Variants in CLVS1 observed in about 807,000 individuals in gnomAD.
CLVS1 encodes the protein clavesin 1, also known as clavesin-1.
A neutral mutation model predicts 33.1 loss-of-function variants in CLVS1; 10 were observed. The observed-to-expected ratio is 0.30, with a 90% CI of 0.19 to 0.51. The LOEUF (loss-of-function observed/expected upper bound fraction) is 0.51. Ranked by LOEUF, CLVS1 falls within the 20% of genes least tolerant of loss-of-function variation. The probability of loss-of-function intolerance (pLI) is 0.97; values close to 1 mark genes in which losing one functional copy is unlikely to be tolerated. For missense variants in CLVS1, 343 were observed against 433.4 expected (o/e 0.79, Z 1.85); for synonymous variants, 163 against 166.1 (o/e 0.98, Z 0.14).
At chr8:61,490,055 C>T (rs536919188) in intron 5 of CLVS1, among the ~76,000 whole-genome samples, 1 of 152,318 alleles carries the variant, frequency 6.6e-6, no homozygotes, top group South Asian at 2.1e-4. Flanking sequence ...GTGGCTCACA[C>T]CTGTAATCCC....
At chr8:61,168,085 G>A (rs781520583) in intron 2 of CLVS1, among the ~76,000 whole-genome samples, 2 of 152,130 alleles carry the variant, frequency 1.3e-5, no homozygotes, top group Non-Finnish European at 2.9e-5. Flanking sequence ...GTGAGAGATC[G>A]AAGAACCCTC....
At chr8:61,463,031 A>G (rs1817421719) in intron 5 of CLVS1, among the ~76,000 whole-genome samples, 2 of 152,198 alleles carry the variant, frequency 1.3e-5, no homozygotes, top group Non-Finnish European at 2.9e-5. Context: ...CAGCTTCATC[A>G]ATGATCTTTC....
rs189303516 is a variant in CLVS1 at position 61,356,406 on chromosome 8, C to T, written c.456-20199C>T. Among the ~76,000 whole-genome samples, 22 of 152,086 alleles carry T rather than the reference C, an allele frequency of 1.4e-4. No homozygotes were observed. The East Asian group carries it at 3.7e-3, about 25-fold the overall frequency. On this transcript the variant is annotated intron_variant, in intron 2 of 5. Coordinates refer to ENST00000325897, the MANE Select transcript of CLVS1 (RefSeq NM_173519.3). ...GGTAGTTTCTTTTGCTATGCAGAAG[C>T]TCTTTTGTTTAATTAGATCCCATTT...
At chr8:61,048,013 G>A in the CLVS1 span, among the ~76,000 whole-genome samples, 6 of 152,094 alleles carry the variant, frequency 3.9e-5, no homozygotes, top group African/African-American at 7.2e-5. Flanking sequence ...CTATATTAGA[G>A]GAACAATTGA....
In CLVS1 at chr8:61,307,828, C is replaced by T. The variant is rs144747689; in HGVS notation, c.455+7546C>T. ...CACCCAATAGGTAATTTCTTGCTTC[C>T]CCTCCCCCTCCCACACTCCCACCTT... On this transcript the variant is annotated intron_variant, in intron 2 of 5. Transcript: ENST00000325897. Among the ~76,000 whole-genome samples the T allele has an allele frequency of 1.4e-3, 216 of 152,074 alleles. 2 individuals carry two copies. Among genetic ancestry groups the T allele is most frequent in the African/African-American group, 3.9e-3 (163 of 41,478 alleles).
At chr8:61,074,580 A>G (rs1213684213) in intron 1 of CLVS1, among the ~76,000 whole-genome samples, 2 of 151,308 alleles carry the variant, frequency 1.3e-5, no homozygotes, top group South Asian at 4.2e-4. Flanking sequence ...AGCTCAACCT[A>G]TGTCTTTGCT....
In CLVS1 at chr8:61,338,578, G is replaced by T. The variant is rs114978688; in HGVS notation, c.456-38027G>T. Among the ~76,000 whole-genome samples the T allele has an allele frequency of 4.9e-3, 740 of 152,292 alleles. 8 individuals carry two copies. The highest frequency in any genetic ancestry group is 0.017 in the African/African-American group (707 of 41,554). On this transcript the variant is annotated intron_variant, in intron 2 of 5. Transcript: ENST00000325897. Reference sequence around the variant, plus strand: ...AATAGTCTGTACTTACGCAATAAGGGTATCAGGATCGCAGCACACATTTTT... The same window carrying T: ...AATAGTCTGTACTTACGCAATAAGGTTATCAGGATCGCAGCACACATTTTT...
At chr8:61,452,304 A>T (rs1283499058) in intron 3 of CLVS1, among the ~76,000 whole-genome samples, 1 of 152,252 alleles carries the variant, frequency 6.6e-6, no homozygotes. Context: ...TCAGTAACCT[A>T]GAACTATATA....
At chr8:61,473,627 A>G (rs895931275) in intron 5 of CLVS1, among the ~76,000 whole-genome samples, 2 of 152,218 alleles carry the variant, frequency 1.3e-5, no homozygotes, top group African/African-American at 4.8e-5. Flanking sequence ...TGGTGCATGT[A>G]GGAGATCATT....
the CLVS1 span, among the ~76,000 whole-genome samples, chr8:61,000,635 C>G: frequency 6.6e-6 from 1 of 151,144 alleles, no homozygotes; most frequent in Admixed American, 6.6e-5. Context: ...TAATGCAAAA[C>G]AGTTCTCCTC....
At chr8:61,486,003 G>A (rs550697805) in intron 5 of CLVS1, among the ~76,000 whole-genome samples, 1 of 152,178 alleles carries the variant, frequency 6.6e-6, no homozygotes, top group South Asian at 2.1e-4. Context: ...TGTAAATGAC[G>A]AGTTAATGGG....
intron 3 of CLVS1, among the ~76,000 whole-genome samples, chr8:61,410,924 G>A (rs901227770): frequency 6.6e-6 from 1 of 152,180 alleles, no homozygotes; most frequent in Admixed American, 6.5e-5. Context: ...TTACAGGTGT[G>A]AGCCACCACA....
At chr8:61,280,309 T>C (rs1039497841) in intron 2 of CLVS1, among the ~76,000 whole-genome samples, 2 of 152,194 alleles carry the variant, frequency 1.3e-5, no homozygotes, top group African/African-American at 2.4e-5. Flanking sequence ...AAGAAGCAAC[T>C]GGTATTAGCA....
At chr8:61,206,634 G>A (rs192042541) in intron 2 of CLVS1, among the ~76,000 whole-genome samples, 1 of 149,978 alleles carries the variant, frequency 6.7e-6, no homozygotes, top group East Asian at 2.0e-4. Context: ...TGTTGCCCAG[G>A]CTGGAGTGCA....
chr8:61,334,226 G>A (rs756768826), intron 2 of CLVS1, among the ~76,000 whole-genome samples: 2 of 152,212 alleles, frequency 1.3e-5, no homozygotes, highest in Admixed American at 6.5e-5. Context: ...GCCAGCCAGC[G>A]GCTGAGTAGG....
intron 5 of CLVS1, among the ~76,000 whole-genome samples, chr8:61,479,671 G>A (rs1818108121): frequency 6.6e-6 from 1 of 152,128 alleles, no homozygotes; most frequent in Non-Finnish European, 1.5e-5. Context: ...GATTTTTAGA[G>A]TTTCCGGTTT....
chr8:61,115,129 C>A (rs1805694313), intron 1 of CLVS1, among the ~76,000 whole-genome samples: 1 of 152,172 alleles, frequency 6.6e-6, no homozygotes, highest in African/African-American at 2.4e-5. Context: ...TTTAGCAAGA[C>A]AGAGCCCTAG....
At chr8:61,000,724 C>T in the CLVS1 span, among the ~76,000 whole-genome samples, 3 of 152,164 alleles carry the variant, frequency 2.0e-5, no homozygotes, top group Non-Finnish European at 2.9e-5. Flanking sequence ...GGTTTTCCTG[C>T]AAGTCAAGCC....
the CLVS1 span, among the ~76,000 whole-genome samples, chr8:60,995,921 C>T: frequency 6.6e-6 from 1 of 152,076 alleles, no homozygotes; most frequent in Non-Finnish European, 1.5e-5. Context: ...AACAAAAAAC[C>T]AAACACCGCA....
Sources: gnomAD v4.1 joint callset for allele counts (sites outside exome capture counted in the v4.1 genomes callset) on GRCh38, gnomAD v4.1.1 for gene constraint, MANE v1.5 for transcripts, NCBI Gene and HGNC (gene_info 2026-07-23, HGNC 2026-07-21) for gene names.